Variants in PDGFRA observed in about 807,000 individuals in gnomAD.
PDGFRA encodes platelet-derived growth factor receptor alpha.
PDGFRA carries 25 observed loss-of-function variants against 121.5 expected under a neutral mutation model. The observed-to-expected ratio is 0.21, with a 90% CI of 0.15 to 0.29. The LOEUF (loss-of-function observed/expected upper bound fraction) is 0.29, where lower values mean the gene tolerates loss of function less well. PDGFRA is among the 10% of genes least tolerant of loss of function. PDGFRA has a pLI of 1.00. For missense variants in PDGFRA, 1,008 were observed against 1,345.1 expected, an observed-to-expected ratio of 0.75 and a Z score of 3.92; for synonymous variants, 463 against 494.8, an observed-to-expected ratio of 0.94 and a Z score of 0.85.
chr4:54,235,048 C>T (rs899647529), intron 1 of PDGFRA, among the ~76,000 whole-genome samples: 32 of 152,118 alleles, frequency 2.1e-4, no homozygotes, highest in Admixed American at 1.5e-3. Flanking sequence ...GTAAACACAC[C>T]CTCTGCTGGA....
intron 18 of PDGFRA, among the ~76,000 whole-genome samples, chr4:54,286,790 T>G (rs1049695601): frequency 3.0e-4 from 45 of 152,196 alleles, no homozygotes; most frequent in African/African-American, 1.1e-3. Flanking sequence ...ATTGGAACCA[T>G]TTGGGTTTAT....
intron 3 of PDGFRA, among the ~76,000 whole-genome samples, chr4:54,261,624 T>TTGTTA (rs1051167447): frequency 1.2e-4 from 18 of 152,004 alleles, no homozygotes; most frequent in African/African-American, 3.9e-4. Context: ...AAAGTCATCT[T>TTGTTA]TGTTATGACA....
At chr4:54,251,006 A>G (rs944736496) in intron 1 of PDGFRA, among the ~76,000 whole-genome samples, 1 of 150,186 alleles carries the variant, frequency 6.7e-6, no homozygotes, top group African/African-American at 2.5e-5. Context: ...CAGAGGTTGC[A>G]GTGAGCTGAG....
chr4:54,287,232 C>T (rs188721371), intron 18 of PDGFRA, among the ~76,000 whole-genome samples, 198 bp from the exon 19 acceptor site: 11 of 152,280 alleles, frequency 7.2e-5, no homozygotes, highest in African/African-American at 2.6e-4. Context: ...CATCATTCAT[C>T]TAGTATTTAT....
chr4:54,260,361 A>T (rs1722618503), intron 2 of PDGFRA, among the ~76,000 whole-genome samples: 1 of 147,602 alleles, frequency 6.8e-6, no homozygotes, highest in Non-Finnish European at 1.5e-5. Context: ...TGTTTTCTTC[A>T]GTCTGTGTCC....
At chr4:54,278,591 G>C (rs2110317977) in intron 15 of PDGFRA, 76 bp downstream of exon 15, 1 of 1,430,484 alleles carries the variant, frequency 7.0e-7, no homozygotes, top group Non-Finnish European at 9.8e-7. Flanking sequence ...TGTCCTGATA[G>C]ATATCATGTC....
chr4:54,294,539 G>A (rs573721847), intron 22 of PDGFRA, among the ~76,000 whole-genome samples: 15 of 152,122 alleles, frequency 9.9e-5, no homozygotes, highest in African/African-American at 3.6e-4. Context: ...TAAGTGGGGG[G>A]ACCATTCCAG....
chr4:54,270,799 C>A (rs1723306510), intron 8 of PDGFRA, 51 bp downstream of exon 8: 1 of 1,039,732 alleles, frequency 9.6e-7, no homozygotes, highest in Non-Finnish European at 1.5e-6. Flanking sequence ...TGAGTGTCTT[C>A]CAAGGAAAGC....
chr4:54,284,564 C>CAGAGAGAGAGAG (rs59292448), intron 16 of PDGFRA, among the ~76,000 whole-genome samples: 18 of 55,952 alleles, frequency 3.2e-4, no homozygotes, highest in African/African-American at 7.0e-4. Flanking sequence ...GAGAGAGAGA[C>CAGAGAGAGAGAG]AGAGAGAGAG....
At position 54,261,384 on chromosome 4, in the gene PDGFRA, AG is replaced by A; in HGVS notation, c.341del (p.Gly114AlafsTer13). On this transcript the variant is annotated frameshift_variant, in exon 3 of 23. Transcript: ENST00000257290. LOFTEE classifies it high-confidence loss of function. ...HTQTEENELE[G>X]RHIYIYVPDP... ...CTCAGACAGAAGAGAATGAGCTTGA[AG>A]GCAGGCACATTTACATCTATGTGCC... 1 of 1,614,078 alleles carries A rather than the reference AG, an allele frequency of 6.2e-7. No homozygotes were observed. The highest frequency in any genetic ancestry group is 2.2e-5 in the East Asian group (1 of 44,870).
chr4:54,287,068 A>G (rs1472237934), intron 18 of PDGFRA, among the ~76,000 whole-genome samples: 2 of 152,214 alleles, frequency 1.3e-5, no homozygotes, highest in African/African-American at 4.8e-5. Context: ...TAATCGGCTC[A>G]TAGATCATTG....
intron 1 of PDGFRA, among the ~76,000 whole-genome samples, chr4:54,235,873 G>A (rs1037175858): frequency 6.6e-6 from 1 of 152,260 alleles, no homozygotes; most frequent in Non-Finnish European, 1.5e-5. Flanking sequence ...TCAGGCCTTG[G>A]TAGTCGTGCT....
chr4:54,294,468 G>C (rs767623214), intron 22 of PDGFRA, among the ~76,000 whole-genome samples: 1 of 152,190 alleles, frequency 6.6e-6, no homozygotes, highest in Non-Finnish European at 1.5e-5. Flanking sequence ...GCCAGGAATT[G>C]AACTTTCTCA....
chr4:54,259,333 A>G (rs1368812099), intron 2 of PDGFRA, among the ~76,000 whole-genome samples: 1 of 152,232 alleles, frequency 6.6e-6, no homozygotes, highest in African/African-American at 2.4e-5. Context: ...TTCAAAGGAA[A>G]TAAATAATAG....
At chr4:54,251,714 C>A (rs1722062645) in intron 1 of PDGFRA, among the ~76,000 whole-genome samples, 1 of 152,124 alleles carries the variant, frequency 6.6e-6, no homozygotes, top group African/African-American at 2.4e-5. Context: ...GGCCCAGGAG[C>A]CCCAAGTTAT....
intron 22 of PDGFRA, among the ~76,000 whole-genome samples, chr4:54,294,123 G>A (rs1724764690): frequency 6.6e-6 from 1 of 152,098 alleles, no homozygotes; most frequent in Non-Finnish European, 1.5e-5. Context: ...GGGACACAGT[G>A]GCCCATCAGT....
intron 3 of PDGFRA, among the ~76,000 whole-genome samples, chr4:54,261,931 A>ATATATT (rs57094735): frequency 2.1e-3 from 125 of 58,384 alleles, no homozygotes; most frequent in African/African-American, 2.9e-3. Context: ...ATATATATAT[A>ATATATT]TTTTTTTTTT....
At chr4:54,237,704 T>C (rs1721089793) in intron 1 of PDGFRA, among the ~76,000 whole-genome samples, 1 of 152,206 alleles carries the variant, frequency 6.6e-6, no homozygotes, top group South Asian at 2.1e-4. Flanking sequence ...TCGGAGGCCA[T>C]CAGCCAGCCA....
At chr4:54,238,249 C>T (rs577637557) in intron 1 of PDGFRA, among the ~76,000 whole-genome samples, 13 of 152,254 alleles carry the variant, frequency 8.5e-5, no homozygotes, top group East Asian at 3.9e-4. Flanking sequence ...GGCCACCTTA[C>T]GGTAGAAATA....
Sources: allele counts gnomAD v4.1 joint callset (sites outside exome capture counted in the v4.1 genomes callset), GRCh38; gene constraint gnomAD v4.1.1; transcripts MANE v1.5; gene names NCBI Gene and HGNC (gene_info 2026-07-23, HGNC 2026-07-21).